Variants in HIPK1 observed in about 807,000 individuals in gnomAD.
HIPK1 encodes the protein homeodomain interacting protein kinase 1.
A neutral mutation model predicts 117.1 loss-of-function variants in HIPK1; 28 were observed. The ratio of observed to expected loss-of-function variants is 0.24; its 90% CI spans 0.18 to 0.33. The LOEUF is 0.33. Among genes scored for constraint, HIPK1 ranks in the 10% least tolerant of loss-of-function variants. The pLI, the probability that HIPK1 is intolerant of heterozygous loss-of-function variation, is 1.00. For synonymous variants in HIPK1, 605 were observed against 562.5 expected, an observed-to-expected ratio of 1.08 and a Z score of -1.07; for missense variants, 1,122 against 1,475.1, an observed-to-expected ratio of 0.76 and a Z score of 3.92.
chr1:113,973,088 A>G lies in HIPK1; in HGVS notation c.3209A>G (p.Gln1070Arg), dbSNP rs1230983201. 1 of 1,542,486 alleles carries G rather than the reference A, an allele frequency of 6.5e-7. No homozygotes were observed. Among genetic ancestry groups the G allele is most frequent in the East Asian group, 2.3e-5 (1 of 44,152 alleles). Residue 1070 changes from glutamine to arginine, a missense_variant, in exon 16 of 16, where the codon CAG becomes CGG. Coordinates refer to ENST00000426820, the MANE Select transcript of HIPK1 (RefSeq NM_198268.3). The stretch of plus-strand genomic sequence containing the variant: ...AGCAGCAACCCAGCCCCCCGCAGGC[A>G]GCAGGCGTTTGTGGCCCCTCTCTCC... Reference protein sequence around the residue: ...ERSSNPAPRRQQAFVAPLSQA... With the variant: ...ERSSNPAPRRRQAFVAPLSQA...
chr1:113,955,553 T>C lies in HIPK1; in HGVS notation c.1321-10T>C, dbSNP rs779870181. 2.0e-6 allele frequency: 3 copies of C among 1,490,284 alleles called. No individual in the cohort carries two copies. Among genetic ancestry groups the C allele is most frequent in the African/African-American group, 1.4e-5 (1 of 71,158 alleles). 92.3% of individuals were successfully genotyped at this position (1,490,284 alleles called of 1,614,324 possible). A position where few individuals can be genotyped will look rare whatever the true frequency, so the allele number is the denominator to read the frequency against. On this transcript the variant is annotated splice_polypyrimidine_tract_variant and intron_variant, in intron 4 of 15. Coordinates refer to ENST00000426820, the MANE Select transcript of HIPK1 (RefSeq NM_198268.3). ...GATGGAATTTAAGGAGGAAAATCTT[T>C]ATTTTATAGACACCTGAAGAACATG... is the stretch of plus-strand genomic sequence containing the variant.
chr1:113,934,672 A>G (rs1423257478), intron 1 of HIPK1, among the ~76,000 whole-genome samples: 3 of 151,646 alleles, frequency 2.0e-5, no homozygotes, highest in East Asian at 3.9e-4. Context: ...TATGCCAGGT[A>G]CGGTGGCTCA....
rs201745729 is a variant in HIPK1, at chr1:113,977,235, A to AT, written c.*3737dup. On this transcript the variant is annotated 3_prime_UTR_variant, in exon 16 of 16. Coordinates refer to ENST00000426820, the MANE Select transcript of HIPK1 (RefSeq NM_198268.3). ...TGGCCCGAGCCTGCTTCCTATTTTG[A>AT]TTTTTTTTTTTTTTAACTGATAGAT... The AT allele has an allele frequency of 0.01, 1,495 of 143,568 alleles. 40 individuals carry two copies. The highest frequency in any genetic ancestry group is 0.066 in the Admixed American group (942 of 14,358). 8.9% of individuals were successfully genotyped at this position (143,568 alleles called of 1,614,324 possible). A position where few individuals can be genotyped will look rare whatever the true frequency, so the allele number is the denominator to read the frequency against.
At chr1:113,960,453 A>G (rs1009670968) in intron 8 of HIPK1, among the ~76,000 whole-genome samples, 5 of 152,214 alleles carry the variant, frequency 3.3e-5, no homozygotes, top group African/African-American at 1.2e-4. Context: ...GTTGGCCAAA[A>G]TAGATAACAC....
intron 2 of HIPK1, among the ~76,000 whole-genome samples, chr1:113,949,028 G>T (rs1017323661): frequency 6.6e-6 from 1 of 152,016 alleles, no homozygotes; most frequent in African/African-American, 2.4e-5. Flanking sequence ...AGTAGAGACT[G>T]GGTTTCATCA....
At chr1:113,972,212 AT>A in intron 15 of HIPK1, 1 of 962,802 alleles carries the variant, frequency 1.0e-6, no homozygotes, top group Non-Finnish European at 1.5e-6. Context: ...AACGTCTGGG[AT>A]TTAGAAAGAG....
At chr1:113,963,603 CT>C (rs748844694) in intron 10 of HIPK1, 82 bp downstream of exon 10, 36 of 1,504,452 alleles carry the variant, frequency 2.4e-5, no homozygotes, top group Non-Finnish European at 3.0e-5. Flanking sequence ...TGTTTTTGTT[CT>C]GTTTTTTTCT....
At chr1:113,946,787 A>G (rs1671017731) in intron 2 of HIPK1, among the ~76,000 whole-genome samples, 1 of 152,248 alleles carries the variant, frequency 6.6e-6, no homozygotes, top group African/African-American at 2.4e-5. Context: ...ATTACTCTGT[A>G]TACTGAAGTT....
intron 11 of HIPK1, 128 bp downstream of exon 11, chr1:113,966,400 A>G (rs1672449415): frequency 5.1e-6 from 4 of 782,704 alleles, no homozygotes; most frequent in Non-Finnish European, 7.7e-6. Flanking sequence ...TCCTTTAAGA[A>G]CCCATATCAG....
intron 1 of HIPK1, among the ~76,000 whole-genome samples, chr1:113,935,103 G>A (rs955469517): frequency 6.6e-6 from 1 of 151,368 alleles, no homozygotes; most frequent in Non-Finnish European, 1.5e-5. Flanking sequence ...ACAGGGGTTT[G>A]GTGTACAGAT....
chr1:113,964,905 A>T (rs1008835044), intron 10 of HIPK1, among the ~76,000 whole-genome samples: 1 of 152,262 alleles, frequency 6.6e-6, no homozygotes, highest in Non-Finnish European at 1.5e-5. Flanking sequence ...CGTCGCTTGG[A>T]ACGCCAGATT....
intron 5 of HIPK1, among the ~76,000 whole-genome samples, chr1:113,956,209 G>T (rs1671713928): frequency 6.6e-6 from 1 of 151,642 alleles, no homozygotes; most frequent in African/African-American, 2.4e-5. Flanking sequence ...CAAGTAGCTG[G>T]GATTACAGGC....
chr1:113,955,791 G>A (rs1356882219), intron 5 of HIPK1, 142 bp downstream of exon 5: 2 of 525,206 alleles, frequency 3.8e-6, no homozygotes, highest in Non-Finnish European at 3.4e-6. Flanking sequence ...ATTCCACCAT[G>A]TAGTAAAGGA....
At position 113,955,587 on chromosome 1, in the gene HIPK1, A is replaced by G. The variant is rs1268702528; in HGVS notation, c.1345A>G (p.Thr449Ala). The change falls in exon 5 of 16, where the codon ACT becomes GCT. Residue 449 changes from threonine (T) to alanine (A), a missense_variant. Physicochemically the swap from Thr to Ala is moderately conservative, Grantham distance 58. Coordinates refer to ENST00000426820, the MANE Select transcript of HIPK1 (RefSeq NM_198268.3). ...LKTPEEHELE[T>A]GIKSKEARKY... ...GACACCTGAAGAACATGAACTGGAG[A>G]CTGGAATAAAATCAAAAGAAGCTCG... The G allele has an allele frequency of 6.3e-7, 1 of 1,597,712 alleles. No individual in the cohort carries two copies. Among genetic ancestry groups the G allele is most frequent in the South Asian group, 1.1e-5 (1 of 90,654 alleles).
intron 2 of HIPK1, among the ~76,000 whole-genome samples, chr1:113,949,619 G>C (rs1671218107): frequency 2.3e-5 from 3 of 129,564 alleles, no homozygotes; most frequent in Non-Finnish European, 3.2e-5. Flanking sequence ...TTTTTTTTGA[G>C]ACAGAGTCTT....
Position 113,941,482 on chromosome 1 carries a change from C to A in HIPK1, c.1076+23C>A, listed in dbSNP as rs878921732. On this transcript the variant is annotated intron_variant, in intron 2 of 15. Coordinates refer to ENST00000426820, the MANE Select transcript of HIPK1 (RefSeq NM_198268.3). The surrounding 1 kb of genome is among the most constrained non-coding windows in gnomAD (Gnocchi z 4.9). ...CAGGCAAGTGGCAAATGCTGAAAAT[C>A]GTATCTTAGGCTAGAGTTCTGTCCT... The A allele has an allele frequency of 6.3e-7, 1 of 1,574,952 alleles. No homozygotes were observed. Among genetic ancestry groups the A allele is most frequent in the Non-Finnish European group, 8.7e-7 (1 of 1,150,286 alleles).
intron 5 of HIPK1, among the ~76,000 whole-genome samples, chr1:113,956,266 C>T (rs201404290): frequency 2.6e-5 from 4 of 151,740 alleles, no homozygotes; most frequent in South Asian, 4.2e-4. Context: ...TTAGTAGAGA[C>T]GGGGTTTTGC....
In HIPK1 at chr1:113,961,898, G is replaced by A. The variant is rs1026781751; in HGVS notation, c.1982-419G>A. On this transcript the variant is annotated intron_variant, in intron 8 of 15. Coordinates refer to ENST00000426820, the MANE Select transcript of HIPK1 (RefSeq NM_198268.3). Reference sequence around the variant, plus strand: ...GCAGAGTTTGCAGTGAGCCCAGATAGCATCACTGCACTCCAGCCTGGGTGA... The same window carrying A: ...GCAGAGTTTGCAGTGAGCCCAGATAACATCACTGCACTCCAGCCTGGGTGA... Among the ~76,000 whole-genome samples the A allele has an allele frequency of 6.0e-4, 74 of 123,496 alleles. 1 individual carries two copies. The highest frequency in any genetic ancestry group is 2.2e-3 in the African/African-American group (70 of 31,506). 81.0% of individuals were successfully genotyped at this position (123,496 alleles called of 152,430 possible). A position where few individuals can be genotyped will look rare whatever the true frequency, so the allele number is the denominator to read the frequency against.
At chr1:113,959,386 A>C (rs748093498) in intron 8 of HIPK1, among the ~76,000 whole-genome samples, 1 of 152,292 alleles carries the variant, frequency 6.6e-6, no homozygotes, top group Non-Finnish European at 1.5e-5. Flanking sequence ...GACAGATTCA[A>C]AATCCGTAAA....
Sources: allele counts gnomAD v4.1 joint callset (sites outside exome capture counted in the v4.1 genomes callset), GRCh38; gene constraint gnomAD v4.1.1; non-coding constraint Gnocchi (gnomAD v3.1); transcripts MANE v1.5; gene names NCBI Gene and HGNC (gene_info 2026-07-23, HGNC 2026-07-21).